FAM120B: variants seen among roughly 807,000 people sequenced by gnomAD.
The protein encoded by FAM120B is constitutive coactivator of peroxisome proliferator-activated receptor gamma.
Under a neutral mutation model 96.3 loss-of-function variants are expected in FAM120B, and 83 were observed. That is an observed-to-expected ratio of 0.86 (90% CI 0.72 to 1.03). The LOEUF (loss-of-function observed/expected upper bound fraction) is 1.03, where lower values mean the gene tolerates loss of function less well. Among genes scored for constraint, FAM120B ranks in the 50% least tolerant of loss-of-function variants. The probability of loss-of-function intolerance (pLI) is 0.00; values close to 1 mark genes in which losing one functional copy is unlikely to be tolerated. For missense variants in FAM120B, 1,027 were observed against 1,121.2 expected, an observed-to-expected ratio of 0.92 and a Z score of 1.20; for synonymous variants, 407 against 402.7, an observed-to-expected ratio of 1.01 and a Z score of -0.13.
chr6:170,310,092 C>A (rs1189781431), intron 1 of FAM120B, among the ~76,000 whole-genome samples: 1 of 152,160 alleles, frequency 6.6e-6, no homozygotes, highest in Non-Finnish European at 1.5e-5. Flanking sequence ...CCCAAAGTTT[C>A]TATATTTTTC....
chr6:170,342,005 A>G (rs1006772846), intron 4 of FAM120B, among the ~76,000 whole-genome samples: 1 of 152,220 alleles, frequency 6.6e-6, no homozygotes, highest in Non-Finnish European at 1.5e-5. Flanking sequence ...AGGTCCCACA[A>G]TAGGCCGTCT....
At chr6:170,330,713 CA>C in intron 4 of FAM120B, 163 bp downstream of exon 4, 1 of 621,846 alleles carries the variant, frequency 1.6e-6, no homozygotes, top group Non-Finnish European at 2.8e-6. Flanking sequence ...AACAAAGTCC[CA>C]AAATAATGGA....
At chr6:170,291,225 T>A (rs942628595), upstream of FAM120B, among the ~76,000 whole-genome samples, 1 of 145,380 alleles carries the variant, frequency 6.9e-6, no homozygotes, top group South Asian at 2.4e-4. Context: ...ACCGCAAGAA[T>A]CCCCCTGCTT....
rs1041303121 is a variant in FAM120B, at chr6:170,370,896, T to C, written c.2283+12578T>C. ...AGAATTTGCAGCACTTGGCCCTGTGTGCAGGCGGGAGTCAACACTGAGCCA... is the reference window on the plus strand; with the variant it reads ...AGAATTTGCAGCACTTGGCCCTGTGCGCAGGCGGGAGTCAACACTGAGCCA... On this transcript the variant is annotated intron_variant, in intron 6 of 10. Coordinates refer to ENST00000476287, the MANE Select transcript of FAM120B (RefSeq NM_032448.3). The surrounding 1 kb of genome is among the most constrained non-coding windows in gnomAD (Gnocchi z 4.3). 6.6e-6 allele frequency among the ~76,000 whole-genome samples: 1 copy of C among 152,072 alleles called. No homozygotes were observed. The highest frequency in any genetic ancestry group is 6.6e-5 in the Admixed American group (1 of 15,266).
At chr6:170,335,926 C>T (rs985405563) in intron 4 of FAM120B, among the ~76,000 whole-genome samples, 1 of 151,956 alleles carries the variant, frequency 6.6e-6, no homozygotes, top group Non-Finnish European at 1.5e-5. Flanking sequence ...AATTTAAGTT[C>T]CTTGTAGATT....
intron 4 of FAM120B, among the ~76,000 whole-genome samples, chr6:170,346,917 G>A (rs569705806): frequency 3.9e-5 from 6 of 152,120 alleles, no homozygotes; most frequent in African/African-American, 1.4e-4. Context: ...TACTGCCATA[G>A]GGTTGTTTTG....
At position 170,323,145 on chromosome 6, in the gene FAM120B, A is replaced by T; in HGVS notation, c.1801A>T (p.Ile601Phe). ...LVYNIMSSGEIECSNTLEDEL... is the reference protein window; with the variant it reads ...LVYNIMSSGEFECSNTLEDEL... ...GTACAACATCATGAGCAGTGGAGAG[A>T]TTGAATGCAGCAACACCCTAGAAGA... Residue 601 changes from isoleucine to phenylalanine, a missense_variant, in exon 3 of 11, where the codon ATT becomes TTT. Physicochemically the swap from Ile to Phe is conservative, Grantham distance 21. This residue lies in a region of FAM120B where 880 missense variants were observed against 980.9 expected (regional missense o/e 0.90). Transcript: ENST00000476287. The T allele has an allele frequency of 6.2e-7, 1 of 1,614,156 alleles. No individual in the cohort carries two copies. The highest frequency in any genetic ancestry group is 8.5e-7 in the Non-Finnish European group (1 of 1,180,020).
rs1032599582 is a variant in FAM120B at position 170,406,953 on chromosome 6, G to T, written c.*2202G>T. 2 of 152,178 alleles carry T rather than the reference G, an allele frequency of 1.3e-5. No homozygotes were observed. The highest frequency in any genetic ancestry group is 6.5e-5 in the Admixed American group (1 of 15,276). 9.4% of individuals were successfully genotyped at this position (152,178 alleles called of 1,614,324 possible). A position where few individuals can be genotyped will look rare whatever the true frequency, so the allele number is the denominator to read the frequency against. On this transcript the variant is annotated 3_prime_UTR_variant, in exon 11 of 11. Transcript: ENST00000476287. Reference sequence around the variant, plus strand: ...TCTTTATTACCTTTGAAAAACCAGAGAGCTGAATTTTTTGTCATTCTAAGT... The same window carrying T: ...TCTTTATTACCTTTGAAAAACCAGATAGCTGAATTTTTTGTCATTCTAAGT...
chr6:170,380,256 G>A (rs1190228248), intron 6 of FAM120B, among the ~76,000 whole-genome samples: 1 of 151,800 alleles, frequency 6.6e-6, no homozygotes, highest in Admixed American at 6.6e-5. Flanking sequence ...TTCATCAGTT[G>A]ATAGATGCTT....
intron 4 of FAM120B, among the ~76,000 whole-genome samples, chr6:170,342,853 G>C (rs1165521067): frequency 2.0e-5 from 3 of 152,160 alleles, no homozygotes; most frequent in Non-Finnish European, 4.4e-5. Flanking sequence ...ATGAGGCTCT[G>C]GGTGAAACAT....
At chr6:170,364,433 G>A (rs912571363) in intron 6 of FAM120B, among the ~76,000 whole-genome samples, 3 of 152,096 alleles carry the variant, frequency 2.0e-5, no homozygotes, top group African/African-American at 4.8e-5. Context: ...TTCTCTCCTA[G>A]ACTAATGCCC....
intron 6 of FAM120B, among the ~76,000 whole-genome samples, chr6:170,385,107 C>T (rs904107566): frequency 1.3e-5 from 2 of 152,224 alleles, no homozygotes; most frequent in Non-Finnish European, 2.9e-5. Flanking sequence ...AAGCAAGCTT[C>T]AGCAAATTTC....
At chr6:170,290,822 C>G (rs1583158904), upstream of FAM120B, 2 of 616,006 alleles carry the variant, frequency 3.2e-6, no homozygotes, top group Non-Finnish European at 5.8e-6. This position sits in a 1 kb window ranked among gnomAD's most constrained non-coding sequence, Gnocchi z 4.7. Context: ...ACGCGCAGGA[C>G]CGGAGGGGCC....
chr6:170,403,886 C>G (rs867983511), intron 9 of FAM120B, among the ~76,000 whole-genome samples: 1 of 152,128 alleles, frequency 6.6e-6, no homozygotes, highest in Non-Finnish European at 1.5e-5. Flanking sequence ...CACCTTCTGC[C>G]GGAGCCCACA....
In FAM120B at chr6:170,357,341, C is replaced by T. The variant is rs925070890; in HGVS notation, c.2191-885C>T. Among the ~76,000 whole-genome samples, 17 of 152,102 alleles carry T rather than the reference C, an allele frequency of 1.1e-4. 1 individual carries two copies. Among genetic ancestry groups the T allele is most frequent in the African/African-American group, 3.9e-4 (16 of 41,420 alleles). ...TGTGGGGCAGGGGAAGGGGTGGCAC[C>T]GTCTGCTCTTGATGGGGTCTGGACC... On this transcript the variant is annotated intron_variant, in intron 5 of 10. Coordinates refer to ENST00000476287, the MANE Select transcript of FAM120B (RefSeq NM_032448.3).
chr6:170,308,328 C>A lies in FAM120B; in HGVS notation c.-22+1486C>A, dbSNP rs547417607. Among the ~76,000 whole-genome samples, 666 of 148,836 alleles carry A rather than the reference C, an allele frequency of 4.5e-3. 3 individuals are homozygous for A. The highest frequency in any genetic ancestry group is 0.015 in the African/African-American group (637 of 41,368). On this transcript the variant is annotated intron_variant, in intron 1 of 10. Transcript: ENST00000476287. Reference sequence around the variant, plus strand: ...TCTTCACTGCTCATCTTCATACACACGCACACCCCCACACACACCCCATTT... The same window carrying A: ...TCTTCACTGCTCATCTTCATACACAAGCACACCCCCACACACACCCCATTT...
upstream of FAM120B, among the ~76,000 whole-genome samples, chr6:170,293,181 G>A (rs969430122): frequency 6.6e-6 from 1 of 152,022 alleles, no homozygotes; most frequent in African/African-American, 2.4e-5. Context: ...CTGGGGGCTG[G>A]GGGTGGGGGT....
chr6:170,292,316 T>G (rs1189354291), upstream of FAM120B, among the ~76,000 whole-genome samples: 1 of 152,156 alleles, frequency 6.6e-6, no homozygotes, highest in Non-Finnish European at 1.5e-5. This position sits in a 1 kb window ranked among gnomAD's most constrained non-coding sequence, Gnocchi z 6.6. Flanking sequence ...TAAATTGCCC[T>G]CCTAGGCACG....
intron 1 of FAM120B, among the ~76,000 whole-genome samples, chr6:170,313,224 A>G (rs1018310635): frequency 5.3e-5 from 8 of 152,206 alleles, no homozygotes; most frequent in African/African-American, 1.9e-4. Flanking sequence ...GGCAAGGGAT[A>G]AATATTAATC....
Sources: allele counts gnomAD v4.1 joint callset (sites outside exome capture counted in the v4.1 genomes callset), GRCh38; gene constraint gnomAD v4.1.1; regional missense constraint gnomAD v4.1.1; non-coding constraint Gnocchi (gnomAD v3.1); transcripts MANE v1.5; gene names NCBI Gene and HGNC (gene_info 2026-07-23, HGNC 2026-07-21).